UNC5D: variants seen among roughly 807,000 people sequenced by gnomAD.
The protein encoded by UNC5D is netrin receptor UNC5D.
UNC5D carries 39 observed loss-of-function variants against 105.4 expected under a neutral mutation model. The observed-to-expected ratio is 0.37, with a 90% CI of 0.29 to 0.48. The LOEUF (loss-of-function observed/expected upper bound fraction) is 0.48, where lower values mean the gene tolerates loss of function less well. Among genes scored for constraint, UNC5D ranks in the 20% least tolerant of loss-of-function variants. UNC5D has a pLI of 0.98. For synonymous variants in UNC5D, 452 were observed against 450.4 expected (o/e 1.00, Z -0.04); for missense variants, 991 against 1,202.4 (o/e 0.82, Z 2.60).
At chr8:35,705,839 A>G (rs766928613) in intron 7 of UNC5D, 90 bp from the exon 8 acceptor site, 10 of 713,076 alleles carry the variant, frequency 1.4e-5, no homozygotes, top group Admixed American at 7.0e-5. Context: ...TTTTATTTAT[A>G]GAGGTAGATA....
At chr8:35,492,590 A>AG (rs1303406373) in intron 1 of UNC5D, among the ~76,000 whole-genome samples, 4 of 112,054 alleles carry the variant, frequency 3.6e-5, no homozygotes, top group Non-Finnish European at 5.3e-5. Flanking sequence ...TTAACAGGAT[A>AG]AAAAACATGT....
chr8:35,247,056 G>C (rs1215179128), intron 1 of UNC5D, among the ~76,000 whole-genome samples: 1 of 151,900 alleles, frequency 6.6e-6, no homozygotes, highest in Non-Finnish European at 1.5e-5. Context: ...ATTTCCGTCC[G>C]TCCCTGCCCA....
At chr8:35,260,406 C>G (rs532672067) in intron 1 of UNC5D, among the ~76,000 whole-genome samples, 1 of 152,160 alleles carries the variant, frequency 6.6e-6, no homozygotes, top group South Asian at 2.1e-4. Context: ...GGGCCATTTG[C>G]GTCGTCCACA....
intron 1 of UNC5D, among the ~76,000 whole-genome samples, chr8:35,342,565 A>G (rs1193898497): frequency 6.6e-6 from 1 of 152,106 alleles, no homozygotes; most frequent in Non-Finnish European, 1.5e-5. Context: ...AGGCCACATC[A>G]TCATTTACTA....
intron 1 of UNC5D, among the ~76,000 whole-genome samples, chr8:35,315,334 T>C (rs1809207177): frequency 6.6e-6 from 1 of 152,186 alleles, no homozygotes. Flanking sequence ...TGGGTCATCT[T>C]GGCTGGATTT....
chr8:35,308,648 T>A (rs1330397969), intron 1 of UNC5D, among the ~76,000 whole-genome samples: 2 of 152,106 alleles, frequency 1.3e-5, no homozygotes, highest in African/African-American at 4.8e-5. Context: ...AAATGACACT[T>A]CCTGAGAAGG....
chr8:35,540,343 C>A (rs1815180486), intron 1 of UNC5D, among the ~76,000 whole-genome samples: 1 of 151,124 alleles, frequency 6.6e-6, no homozygotes, highest in African/African-American at 2.4e-5. Context: ...TTGTTTTTCC[C>A]TGATACGTGG....
chr8:35,623,195 G>A (rs915765509), intron 4 of UNC5D, among the ~76,000 whole-genome samples: 2 of 151,994 alleles, frequency 1.3e-5, no homozygotes, highest in African/African-American at 4.8e-5. Context: ...TGAGTTCTCT[G>A]CCACGGCTAT....
chr8:35,420,130 A>C (rs1585800412), intron 1 of UNC5D, among the ~76,000 whole-genome samples: 1 of 152,246 alleles, frequency 6.6e-6, no homozygotes, highest in Non-Finnish European at 1.5e-5. Context: ...AGATTTCACC[A>C]GGGACCTGTG....
chr8:35,426,711 GCACC>G (rs1469240660), intron 1 of UNC5D, among the ~76,000 whole-genome samples: 2 of 152,106 alleles, frequency 1.3e-5, no homozygotes, highest in Non-Finnish European at 1.5e-5. Flanking sequence ...GAGTTTTGTT[GCACC>G]CACATGCCCC....
At chr8:35,690,127 A>G (rs1374963009) in intron 7 of UNC5D, among the ~76,000 whole-genome samples, 1 of 152,108 alleles carries the variant, frequency 6.6e-6, no homozygotes, top group Non-Finnish European at 1.5e-5. Flanking sequence ...CCTTCATTGT[A>G]TGCATATTAG....
At chr8:35,444,771 A>T (rs1807666032) in intron 1 of UNC5D, among the ~76,000 whole-genome samples, 1 of 152,024 alleles carries the variant, frequency 6.6e-6, no homozygotes, top group African/African-American at 2.4e-5. Context: ...GCTTCCTCTG[A>T]AAACTATTAG....
At chr8:35,458,708 T>C (rs1299671811) in intron 1 of UNC5D, among the ~76,000 whole-genome samples, 2 of 152,154 alleles carry the variant, frequency 1.3e-5, no homozygotes, top group African/African-American at 2.4e-5. Flanking sequence ...ACAAAAACCA[T>C]GCAAGTAACC....
chr8:35,709,639 G>A (rs539206338), intron 8 of UNC5D, among the ~76,000 whole-genome samples: 218 of 152,236 alleles, frequency 1.4e-3, no homozygotes, highest in African/African-American at 4.9e-3. Context: ...GCAGTGAGCC[G>A]AGATTGCACC....
chr8:35,287,487 A>G (rs1806687918), intron 1 of UNC5D, among the ~76,000 whole-genome samples: 1 of 152,164 alleles, frequency 6.6e-6, no homozygotes, highest in Non-Finnish European at 1.5e-5. Context: ...ACTGAACCCT[A>G]AAAGTCAATA....
chr8:35,471,134 G>A (rs920922843), intron 1 of UNC5D, among the ~76,000 whole-genome samples: 1 of 152,036 alleles, frequency 6.6e-6, no homozygotes, highest in Non-Finnish European at 1.5e-5. Flanking sequence ...CCGAGCTGTT[G>A]CTTGAGAAGG....
intron 1 of UNC5D, among the ~76,000 whole-genome samples, chr8:35,459,137 T>C (rs1425448796): frequency 6.6e-6 from 1 of 152,112 alleles, no homozygotes; most frequent in Non-Finnish European, 1.5e-5. Context: ...TCTTTTGTGG[T>C]ATGAGGGGAA....
chr8:35,341,421 G>A (rs1243070781), intron 1 of UNC5D, among the ~76,000 whole-genome samples: 2 of 151,590 alleles, frequency 1.3e-5, no homozygotes, highest in African/African-American at 4.8e-5. Context: ...AAACCAGAAT[G>A]AGCGTAAGAA....
chr8:35,582,481 C>T (rs1457056567), intron 3 of UNC5D, among the ~76,000 whole-genome samples: 2 of 152,040 alleles, frequency 1.3e-5, no homozygotes, highest in Non-Finnish European at 2.9e-5. Flanking sequence ...TTAAGGAAAG[C>T]AAAATGCAGC....
Sources: allele counts gnomAD v4.1 joint callset (sites outside exome capture counted in the v4.1 genomes callset), GRCh38; gene constraint gnomAD v4.1.1; transcripts MANE v1.5; gene names NCBI Gene and HGNC (gene_info 2026-07-23, HGNC 2026-07-21).